The following COG5 variants were observed in gnomAD, a reference collection of about 807,000 sequenced individuals.
COG5 encodes conserved oligomeric Golgi complex subunit 5.
Under a neutral mutation model 110.4 loss-of-function variants are expected in COG5, and 86 were observed. The ratio of observed to expected loss-of-function variants is 0.78; its 90% CI spans 0.65 to 0.93. The LOEUF (loss-of-function observed/expected upper bound fraction) is 0.93, where lower values mean the gene tolerates loss of function less well. Among genes scored for constraint, COG5 ranks in the 40% least tolerant of loss-of-function variants. The pLI is 0.00. For synonymous variants in COG5, 360 were observed against 334.6 expected (o/e 1.08, Z -0.83); for missense variants, 1,077 against 987.0 (o/e 1.09, Z -1.22).
chr7:107,476,959 C>G (rs1797032763), intron 6 of COG5, among the ~76,000 whole-genome samples: 1 of 151,610 alleles, frequency 6.6e-6, no homozygotes, highest in African/African-American at 2.4e-5. Flanking sequence ...TAATTTACTT[C>G]TGATAATAAT....
chr7:107,454,768 G>A (rs1424523593), intron 6 of COG5, among the ~76,000 whole-genome samples: 1 of 152,046 alleles, frequency 6.6e-6, no homozygotes, highest in Non-Finnish European at 1.5e-5. Context: ...AAAAGACATG[G>A]GTTGGCAGAT....
intron 7 of COG5, among the ~76,000 whole-genome samples, chr7:107,385,988 TTGTGTGTGTGTGTGTG>T (rs59992824): frequency 2.1e-5 from 3 of 144,730 alleles, no homozygotes; most frequent in Admixed American, 6.9e-5. Flanking sequence ...AAACCAGGTT[TTGTGTGTGTGTGTGTG>T]TGTGTGTGTG....
intron 5 of COG5, among the ~76,000 whole-genome samples, chr7:107,531,824 C>G (rs939882478): frequency 6.6e-6 from 1 of 152,040 alleles, no homozygotes; most frequent in Non-Finnish European, 1.5e-5. Context: ...TTGCCTGAGA[C>G]TGAGAAGTTT....
At chr7:107,289,592 G>T (rs1805990015) in intron 12 of COG5, among the ~76,000 whole-genome samples, 1 of 152,082 alleles carries the variant, frequency 6.6e-6, no homozygotes, top group Admixed American at 6.5e-5. Flanking sequence ...ATCAATTTGG[G>T]GGGCATTACC....
At chr7:107,537,727 A>C (rs529098277) in intron 5 of COG5, among the ~76,000 whole-genome samples, 12 of 152,146 alleles carry the variant, frequency 7.9e-5, no homozygotes, top group Middle Eastern at 6.8e-3. Flanking sequence ...CCCAGAACTT[A>C]AAGTATAATT....
chr7:107,491,638 A>G (rs563766689), intron 6 of COG5, among the ~76,000 whole-genome samples: 7 of 152,302 alleles, frequency 4.6e-5, no homozygotes, highest in African/African-American at 1.7e-4. Flanking sequence ...TAAACAAGAT[A>G]AAAGCAAACT....
intron 10 of COG5, among the ~76,000 whole-genome samples, chr7:107,339,424 T>G (rs995963976): frequency 6.6e-6 from 1 of 152,056 alleles, no homozygotes; most frequent in Non-Finnish European, 1.5e-5. Context: ...AAAATTATAG[T>G]GGGGGGCTTC....
chr7:107,554,129 T>C (rs1431494050), intron 3 of COG5, among the ~76,000 whole-genome samples, 156 bp downstream of exon 3: 1 of 152,248 alleles, frequency 6.6e-6, no homozygotes, highest in Non-Finnish European at 1.5e-5. Flanking sequence ...TCATATTATC[T>C]GCCTACTTTC....
chr7:107,208,831 C>G (rs970233553), intron 21 of COG5: 10 of 985,340 alleles, frequency 1.0e-5, no homozygotes, highest in Non-Finnish European at 1.2e-5. Context: ...CTTCTGGAAA[C>G]AAAGCTGACA....
chr7:107,412,360 C>A (rs1359452757), intron 7 of COG5, 142 bp downstream of exon 7: 2 of 701,488 alleles, frequency 2.9e-6, no homozygotes, highest in Non-Finnish European at 4.7e-6. Context: ...AACGATGACC[C>A]ATTCTTTGAT....
At chr7:107,410,948 G>A (rs996780583) in intron 7 of COG5, among the ~76,000 whole-genome samples, 10 of 152,080 alleles carry the variant, frequency 6.6e-5, no homozygotes, top group African/African-American at 2.2e-4. Flanking sequence ...CTCAAGTTTG[G>A]GCTAGTAGAT....
At chr7:107,490,126 C>T (rs1797896468) in intron 6 of COG5, among the ~76,000 whole-genome samples, 3 of 151,980 alleles carry the variant, frequency 2.0e-5, no homozygotes, top group Admixed American at 6.6e-5. Context: ...GATTTCTCAC[C>T]TCAACAGAAA....
chr7:107,268,505 G>A (rs1378258018), intron 14 of COG5, among the ~76,000 whole-genome samples: 1 of 152,172 alleles, frequency 6.6e-6, no homozygotes, highest in Non-Finnish European at 1.5e-5. Flanking sequence ...GCCATAAATG[G>A]CTATAAGTGT....
At chr7:107,362,150 G>T in intron 9 of COG5, 40 bp from the exon 10 acceptor site, 1 of 1,507,412 alleles carries the variant, frequency 6.6e-7, no homozygotes. Context: ...AATAGAAAAA[G>T]CAAGAAAAGG....
chr7:107,527,634 C>T (rs1434717818), intron 5 of COG5, among the ~76,000 whole-genome samples: 1 of 152,108 alleles, frequency 6.6e-6, no homozygotes, highest in Non-Finnish European at 1.5e-5. Flanking sequence ...CCTAAATAAT[C>T]GCAAGTCTTA....
chr7:107,440,359 A>G (rs1185948690), intron 6 of COG5, among the ~76,000 whole-genome samples: 1 of 151,920 alleles, frequency 6.6e-6, no homozygotes, highest in Non-Finnish European at 1.5e-5. Flanking sequence ...CAGCTATAGG[A>G]TAGTTTAGTT....
At chr7:107,413,903 C>T (rs759213588) in intron 6 of COG5, among the ~76,000 whole-genome samples, 29 of 152,092 alleles carry the variant, frequency 1.9e-4, no homozygotes, top group Non-Finnish European at 2.9e-4. Flanking sequence ...TACTAAAATC[C>T]GAAGAATCTA....
chr7:107,342,095 C>A lies in COG5; in HGVS notation c.1027-17574G>T, dbSNP rs1197718284. On this transcript the variant is annotated intron_variant, in intron 10 of 21. Coordinates refer to ENST00000297135, the MANE Select transcript of COG5 (RefSeq NM_006348.5). ...CAAAAGAGTAAACCAACAACCCACA[C>A]TATAGAAGGAAATATTCACAAACTA... 5.3e-5 allele frequency among the ~76,000 whole-genome samples: 8 copies of A among 152,126 alleles called. No homozygotes were observed. The East Asian group carries it at 5.8e-4, about 11-fold the overall frequency.
chr7:107,255,220 T>C (rs1234308436), intron 16 of COG5, among the ~76,000 whole-genome samples: 2 of 152,164 alleles, frequency 1.3e-5, no homozygotes, highest in African/African-American at 4.8e-5. Flanking sequence ...ATTTGTCATA[T>C]TGACCTGATT....
Sources: allele counts gnomAD v4.1 joint callset (sites outside exome capture counted in the v4.1 genomes callset), GRCh38; gene constraint gnomAD v4.1.1; transcripts MANE v1.5; gene names NCBI Gene and HGNC (gene_info 2026-07-23, HGNC 2026-07-21).